The following GPHN variants were observed in gnomAD, a reference collection of about 807,000 sequenced individuals.
GPHN encodes the protein gephyrin.
Under a neutral mutation model 95.5 loss-of-function variants are expected in GPHN, and 17 were observed. The ratio of observed to expected loss-of-function variants is 0.18; its 90% CI spans 0.12 to 0.27. The LOEUF is 0.27. GPHN is among the 10% of genes least tolerant of loss of function. The pLI, the probability that GPHN is intolerant of heterozygous loss-of-function variation, is 1.00. For synonymous variants in GPHN, 320 were observed against 322.5 expected, an observed-to-expected ratio of 0.99 and a Z score of 0.08; for missense variants, 660 against 978.1, an observed-to-expected ratio of 0.67 and a Z score of 4.34.
rs142038892 is a variant in GPHN, at chr14:66,538,955, C to A, written c.64+30364C>A. On this transcript the variant is annotated intron_variant, in intron 1 of 22. Transcript: ENST00000478722. ...ATGATTCCCCTTTTTAGTTGTTAGG[C>A]CAATTTAATTAGAGTTTTATTAGGG... 3.2e-4 allele frequency among the ~76,000 whole-genome samples: 48 copies of A among 152,074 alleles called. No homozygotes were observed. In the East Asian group the frequency reaches 7.3e-3, roughly 23 times the overall value.
chr14:67,706,809 A>G, the GPHN span, among the ~76,000 whole-genome samples: 1 of 152,284 alleles, frequency 6.6e-6, no homozygotes, highest in African/African-American at 2.4e-5. Flanking sequence ...TTAGAAGAAA[A>G]TGAGTCTCTG....
At chr14:66,757,998 G>A (rs183698272) in intron 2 of GPHN, among the ~76,000 whole-genome samples, 62 of 152,292 alleles carry the variant, frequency 4.1e-4, no homozygotes, top group Admixed American at 1.4e-3. Flanking sequence ...AAAATTCCCC[G>A]TGTAGCTGGT....
downstream of GPHN, among the ~76,000 whole-genome samples, chr14:67,182,485 A>G (rs897481813): frequency 1.3e-5 from 2 of 152,226 alleles, no homozygotes; most frequent in South Asian, 4.1e-4. Context: ...CTGATATGTG[A>G]TATTTTCATT....
chr14:66,508,217 G>A lies in GPHN; in HGVS notation c.-311G>A, dbSNP rs2057864237. On this transcript the variant is annotated 5_prime_UTR_variant, in exon 1 of 23. Transcript: ENST00000478722. ...CCGCAGAGCGTTCCGACACTCTCCGGCCTCGTTCTGCCGCCTCCGCGCGCT... is the reference window on the plus strand; with the variant it reads ...CCGCAGAGCGTTCCGACACTCTCCGACCTCGTTCTGCCGCCTCCGCGCGCT... The A allele has an allele frequency of 9.5e-6, 5 of 528,640 alleles. No homozygotes were observed. The highest frequency in any genetic ancestry group is 2.0e-5 in the South Asian group (1 of 49,646). 32.7% of individuals were successfully genotyped at this position (528,640 alleles called of 1,614,324 possible). A position where few individuals can be genotyped will look rare whatever the true frequency, so the allele number is the denominator to read the frequency against.
the GPHN span, among the ~76,000 whole-genome samples, chr14:67,390,985 CAA>C: frequency 6.6e-6 from 1 of 152,040 alleles, no homozygotes; most frequent in Admixed American, 6.6e-5. Flanking sequence ...TCAGCAGAGC[CAA>C]AGAGAGTCCA....
chr14:66,937,103 A>G (rs2067168056), intron 8 of GPHN, among the ~76,000 whole-genome samples: 1 of 152,114 alleles, frequency 6.6e-6, no homozygotes, highest in Admixed American at 6.5e-5. Context: ...TCTAGGCTCA[A>G]ACAATTATCC....
At chr14:67,466,990 A>G in the GPHN span, 11 of 123,506 alleles carry the variant, frequency 8.9e-5, no homozygotes, top group Admixed American at 5.8e-4. Context: ...GGGGGACCCA[A>G]TCTCAAAAAA....
chr14:66,962,672 T>C (rs899393821), intron 8 of GPHN, among the ~76,000 whole-genome samples: 5 of 151,946 alleles, frequency 3.3e-5, no homozygotes, highest in Non-Finnish European at 7.4e-5. Flanking sequence ...TTTACTTAAC[T>C]GGTAATTTCT....
the GPHN span, among the ~76,000 whole-genome samples, chr14:67,232,781 A>G: frequency 6.6e-6 from 1 of 152,178 alleles, no homozygotes; most frequent in Non-Finnish European, 1.5e-5. Flanking sequence ...GCGTGTTGCC[A>G]AACTGTTCTC....
At chr14:66,845,819 C>CTGTGTG (rs367997271) in intron 4 of GPHN, among the ~76,000 whole-genome samples, 7,555 of 143,310 alleles carry the variant, frequency 0.053, 453 homozygotes, top group African/African-American at 0.15. Flanking sequence ...ATACATGCCT[C>CTGTGTG]TGTGTGTGTG....
At chr14:67,659,606 G>T in the GPHN span, 1 of 974,046 alleles carries the variant, frequency 1.0e-6, no homozygotes, top group Non-Finnish European at 1.4e-6. Flanking sequence ...AGAGGATAAG[G>T]GTGAAAAAAA....
chr14:67,639,718 C>T, the GPHN span, among the ~76,000 whole-genome samples: 3 of 151,914 alleles, frequency 2.0e-5, no homozygotes, highest in South Asian at 2.1e-4. Context: ...GTCAGGAGTT[C>T]GAGACCAGCC....
the GPHN span, chr14:67,579,665 C>G: frequency 1.9e-6 from 3 of 1,558,472 alleles, no homozygotes; most frequent in Non-Finnish European, 2.6e-6. Flanking sequence ...TCCACCAGCC[C>G]TAGTGAGCTC....
At chr14:67,551,734 C>G in the GPHN span, among the ~76,000 whole-genome samples, 1 of 152,056 alleles carries the variant, frequency 6.6e-6, no homozygotes, top group Non-Finnish European at 1.5e-5. Context: ...ACTAAAAATA[C>G]CAAAATTAGC....
At chr14:66,562,272 G>A (rs2060285822) in intron 1 of GPHN, among the ~76,000 whole-genome samples, 1 of 152,118 alleles carries the variant, frequency 6.6e-6, no homozygotes, top group Non-Finnish European at 1.5e-5. Context: ...ATTTCAGTGT[G>A]ATGACTCTAG....
At chr14:67,606,003 G>A in the GPHN span, among the ~76,000 whole-genome samples, 9 of 152,016 alleles carry the variant, frequency 5.9e-5, no homozygotes, top group Admixed American at 5.9e-4. Context: ...TATATATTTT[G>A]TATACTTTTT....
At chr14:67,554,221 C>G in the GPHN span, among the ~76,000 whole-genome samples, 1 of 152,210 alleles carries the variant, frequency 6.6e-6, no homozygotes, top group Non-Finnish European at 1.5e-5. Flanking sequence ...CACTGTCTAG[C>G]AGCAGGCTGG....
rs549564228 is a variant in GPHN, at chr14:66,685,202, A to G, written c.143+4017A>G. On this transcript the variant is annotated intron_variant, in intron 2 of 22. Transcript: ENST00000478722. The stretch of plus-strand genomic sequence containing the variant: ...CTTTGCTATTGTGAATAGTGCCGCA[A>G]TAAACATATGTGTGCCATGTGTCTT... Among the ~76,000 whole-genome samples, 5 of 152,314 alleles carry G rather than the reference A, an allele frequency of 3.3e-5. No homozygotes were observed. In the East Asian group the frequency reaches 7.7e-4, roughly 23 times the overall value.
At chr14:67,435,884 C>T in the GPHN span, among the ~76,000 whole-genome samples, 4 of 152,236 alleles carry the variant, frequency 2.6e-5, no homozygotes, top group Non-Finnish European at 5.9e-5. Flanking sequence ...ACTGACCACA[C>T]ATTTTTGCAT....
Sources: gnomAD v4.1 joint callset for allele counts (sites outside exome capture counted in the v4.1 genomes callset) on GRCh38, gnomAD v4.1.1 for gene constraint, MANE v1.5 for transcripts, NCBI Gene and HGNC (gene_info 2026-07-23, HGNC 2026-07-21) for gene names.